Variants in CFAP77 observed in about 807,000 individuals in gnomAD.
The protein encoded by CFAP77 is cilia and flagella associated protein 77, also known as cilia- and flagella-associated protein 77.
CFAP77 carries 25 observed loss-of-function variants against 31.1 expected under a neutral mutation model. That is an observed-to-expected ratio of 0.80 (90% CI 0.59 to 1.12). CFAP77 has a LOEUF of 1.12. Ranked by LOEUF, CFAP77 falls within the 50% of genes most tolerant of loss-of-function variation. The probability of loss-of-function intolerance (pLI) is 0.00; values close to 1 mark genes in which losing one functional copy is unlikely to be tolerated. For synonymous variants in CFAP77, 151 were observed against 159.9 expected (o/e 0.94, Z 0.42); for missense variants, 377 against 397.3 (o/e 0.95, Z 0.44).
chr9:132,457,330 G>C (rs895635920), intron 1 of CFAP77, among the ~76,000 whole-genome samples: 1 of 152,104 alleles, frequency 6.6e-6, no homozygotes, highest in Non-Finnish European at 1.5e-5. Context: ...GGGGAGAAAG[G>C]ATTAAAATCG....
intron 3 of CFAP77, among the ~76,000 whole-genome samples, chr9:132,512,078 G>A (rs528519918): frequency 1.3e-5 from 2 of 152,094 alleles, no homozygotes; most frequent in African/African-American, 4.8e-5. Context: ...TAACAAAAAT[G>A]GATCCTTTCC....
intron 5 of CFAP77, among the ~76,000 whole-genome samples, chr9:132,558,021 A>G (rs2119094531): frequency 6.6e-6 from 1 of 152,286 alleles, no homozygotes; most frequent in South Asian, 2.1e-4. Context: ...ATCGTTGTGT[A>G]CTTTTTTCAC....
At chr9:132,568,442 GCTAC>G (rs1157445650) in intron 5 of CFAP77, among the ~76,000 whole-genome samples, 1 of 151,496 alleles carries the variant, frequency 6.6e-6, no homozygotes, top group Non-Finnish European at 1.5e-5. Flanking sequence ...TGTAATTCCA[GCTAC>G]TCGGGAGGCT....
chr9:132,466,697 C>T lies in CFAP77; in HGVS notation c.196-31998C>T, dbSNP rs77018970. Reference sequence around the variant, plus strand: ...CTCAGAGTTAGTTCCCCCGACCTCCCGGCTTCCTCCAGAAGCCTGTCTGGC... The same window carrying T: ...CTCAGAGTTAGTTCCCCCGACCTCCTGGCTTCCTCCAGAAGCCTGTCTGGC... On this transcript the variant is annotated intron_variant, in intron 1 of 5. Coordinates refer to ENST00000393216, the MANE Select transcript of CFAP77 (RefSeq NM_001282957.2). Among the ~76,000 whole-genome samples, 1,279 of 152,308 alleles carry T rather than the reference C, an allele frequency of 8.4e-3. 17 individuals are homozygous for T. Among genetic ancestry groups the T allele is most frequent in the African/African-American group, 0.028 (1,162 of 41,566 alleles).
intron 1 of CFAP77, among the ~76,000 whole-genome samples, chr9:132,416,304 A>G (rs1283158886): frequency 7.0e-6 from 1 of 142,926 alleles, no homozygotes; most frequent in Non-Finnish European, 1.5e-5. Context: ...TTGATATGCT[A>G]TAACTGTTGA....
At chr9:132,509,688 GAA>G (rs1851998381) in intron 3 of CFAP77, among the ~76,000 whole-genome samples, 1 of 152,180 alleles carries the variant, frequency 6.6e-6, no homozygotes, top group Non-Finnish European at 1.5e-5. Context: ...AGAATCACTT[GAA>G]CCCGGGAGGT....
At chr9:132,496,697 G>A (rs748432400) in intron 1 of CFAP77, among the ~76,000 whole-genome samples, 3 of 152,240 alleles carry the variant, frequency 2.0e-5, no homozygotes, top group Admixed American at 6.5e-5. Flanking sequence ...AAGGCAGGCT[G>A]AGGCTGCTGT....
chr9:132,509,004 G>A (rs1367966200), intron 3 of CFAP77, among the ~76,000 whole-genome samples: 1 of 152,200 alleles, frequency 6.6e-6, no homozygotes, highest in Non-Finnish European at 1.5e-5. Context: ...CTCCGTTCAC[G>A]TTGGTGCCAG....
At chr9:132,535,449 C>T (rs1278436776) in intron 3 of CFAP77, among the ~76,000 whole-genome samples, 8 of 152,140 alleles carry the variant, frequency 5.3e-5, no homozygotes, top group East Asian at 1.9e-4. Context: ...AGGTGGCTCA[C>T]GCCTGTAATC....
intron 1 of CFAP77, among the ~76,000 whole-genome samples, chr9:132,450,199 G>A (rs1564208198): frequency 6.6e-6 from 1 of 151,546 alleles, no homozygotes; most frequent in Admixed American, 6.6e-5. Flanking sequence ...CAAAGTGCTG[G>A]GATTACAGGT....
At chr9:132,452,363 AT>A (rs1192168375) in intron 1 of CFAP77, among the ~76,000 whole-genome samples, 2 of 152,142 alleles carry the variant, frequency 1.3e-5, no homozygotes, top group Non-Finnish European at 2.9e-5. Flanking sequence ...TTGGGCACTG[AT>A]GTTATAAATA....
At chr9:132,419,370 C>A (rs1312357622) in intron 1 of CFAP77, among the ~76,000 whole-genome samples, 1 of 152,164 alleles carries the variant, frequency 6.6e-6, no homozygotes, top group African/African-American at 2.4e-5. Context: ...TTGTTTGTAA[C>A]CAATAGCACA....
chr9:132,421,074 C>T (rs1264928023), intron 1 of CFAP77, among the ~76,000 whole-genome samples: 3 of 132,880 alleles, frequency 2.3e-5, no homozygotes, highest in African/African-American at 8.4e-5. Flanking sequence ...GTGGTGTGAT[C>T]TCGGCTCACT....
chr9:132,486,702 T>A (rs1851565390), intron 1 of CFAP77, among the ~76,000 whole-genome samples: 1 of 152,260 alleles, frequency 6.6e-6, no homozygotes, highest in Admixed American at 6.5e-5. Flanking sequence ...TCCGAGCGGA[T>A]GCATCCCCGC....
At chr9:132,534,798 C>CA (rs1852518005) in intron 3 of CFAP77, among the ~76,000 whole-genome samples, 3 of 152,128 alleles carry the variant, frequency 2.0e-5, no homozygotes, top group Non-Finnish European at 4.4e-5. Flanking sequence ...GCATATATAT[C>CA]CATATGTCAT....
In CFAP77 at chr9:132,517,483, A is replaced by T. The variant is rs896671350; in HGVS notation, c.524+17883A>T. Among the ~76,000 whole-genome samples the T allele has an allele frequency of 6.6e-6, 1 of 152,228 alleles. No individual in the cohort carries two copies. Among genetic ancestry groups the T allele is most frequent in the African/African-American group, 2.4e-5 (1 of 41,444 alleles). On this transcript the variant is annotated intron_variant, in intron 3 of 5. Transcript: ENST00000393216. The surrounding 1 kb of genome is among the most constrained non-coding windows in gnomAD (Gnocchi z 4.7). Reference sequence around the variant, plus strand: ...TAAACCGAATTAGTAGTCACTGATGACCAATTATTTTAGCCTGCTGTGAAC... The same window carrying T: ...TAAACCGAATTAGTAGTCACTGATGTCCAATTATTTTAGCCTGCTGTGAAC...
At chr9:132,461,697 G>A (rs940388982) in intron 1 of CFAP77, among the ~76,000 whole-genome samples, 6 of 152,146 alleles carry the variant, frequency 3.9e-5, no homozygotes, top group African/African-American at 1.4e-4. Context: ...TGCTCCCCTG[G>A]GCCCTTCCCA....
chr9:132,429,043 T>G (rs564246808), intron 1 of CFAP77, among the ~76,000 whole-genome samples: 1 of 152,326 alleles, frequency 6.6e-6, no homozygotes, highest in East Asian at 1.9e-4. Context: ...CTTTCTTTCA[T>G]GATAATGGTT....
At chr9:132,410,572 G>C in intron 1 of CFAP77, 106 bp downstream of exon 1, 1 of 1,004,312 alleles carries the variant, frequency 1.0e-6, no homozygotes, top group Non-Finnish European at 1.4e-6. Flanking sequence ...CGGGGTCCGA[G>C]CGCAGCGTGG....
Sources: gnomAD v4.1 joint callset for allele counts (sites outside exome capture counted in the v4.1 genomes callset) on GRCh38, gnomAD v4.1.1 for gene constraint, Gnocchi (gnomAD v3.1) non-coding constraint, MANE v1.5 for transcripts, NCBI Gene and HGNC (gene_info 2026-07-23, HGNC 2026-07-21) for gene names.